Variants in CC2D1A observed in about 807,000 individuals in gnomAD.
The protein encoded by CC2D1A is coiled-coil and C2 domain-containing protein 1A.
CC2D1A carries 68 observed loss-of-function variants against 123.8 expected under a neutral mutation model. The ratio of observed to expected loss-of-function variants is 0.55; its 90% CI spans 0.45 to 0.67. The LOEUF (loss-of-function observed/expected upper bound fraction) is 0.67, where lower values mean the gene tolerates loss of function less well. Among genes scored for constraint, CC2D1A ranks in the 30% least tolerant of loss-of-function variants. The probability of loss-of-function intolerance (pLI) is 0.00; values close to 1 mark genes in which losing one functional copy is unlikely to be tolerated. For synonymous variants in CC2D1A, 477 were observed against 528.0 expected (o/e 0.90, Z 1.32); for missense variants, 1,185 against 1,290.3 (o/e 0.92, Z 1.25).
intron 1 of CC2D1A, among the ~76,000 whole-genome samples, chr19:13,908,566 A>C (rs1970878688): frequency 6.6e-6 from 1 of 151,624 alleles, no homozygotes; most frequent in South Asian, 2.1e-4. Context: ...TCCCAGGTTC[A>C]AGCAATTCTC....
Position 13,929,429 on chromosome 19 carries a change from G to A in CC2D1A, c.2570G>A (p.Arg857His), listed in dbSNP as rs772528161. 9 of 1,613,382 alleles carry A rather than the reference G, an allele frequency of 5.6e-6. No individual in the cohort carries two copies. The highest frequency in any genetic ancestry group is 3.3e-4 in the Middle Eastern group (2 of 6,060). ...SLSVLAFDQE[R>H]LERKILALRQ... ...AGTGTGCTGGCGTTTGACCAAGAGC[G>A]TCTGGAGCGGAAGGTGGGTATCCAT... Residue 857 changes from arginine (R) to histidine (H), a missense_variant, in exon 25 of 29, where the codon CGT becomes CAT. Arg to His is a conservative substitution (Grantham distance 29). Transcript: ENST00000318003.
chr19:13,923,310 G>GC lies in CC2D1A; in HGVS notation c.1642-21dup, dbSNP rs1568415864. Reference sequence around the variant, plus strand: ...GGGCCTGCTTGTCCTCCTTACCCCCGCCACCAGCCTCGTCCTCCCCAGGTG... The same window carrying GC: ...GGGCCTGCTTGTCCTCCTTACCCCCGCCCACCAGCCTCGTCCTCCCCAGGTG... On this transcript the variant is annotated intron_variant, in intron 14 of 28. Transcript: ENST00000318003. The surrounding 1 kb of genome is among the most constrained non-coding windows in gnomAD (Gnocchi z 5.3). 6.3e-7 allele frequency: 1 copy of GC among 1,592,266 alleles called. No homozygotes were observed. Among genetic ancestry groups the GC allele is most frequent in the Non-Finnish European group, 8.5e-7 (1 of 1,174,848 alleles).
At chr19:13,928,704 C>CTTT (rs60455051) in intron 24 of CC2D1A, among the ~76,000 whole-genome samples, 28 of 109,230 alleles carry the variant, frequency 2.6e-4, no homozygotes, top group Non-Finnish European at 3.7e-4. Flanking sequence ...CCCAGTGTGT[C>CTTT]TTTTTTTTTT....
intron 1 of CC2D1A, among the ~76,000 whole-genome samples, chr19:13,909,267 T>C (rs1225285472): frequency 6.6e-6 from 1 of 151,628 alleles, no homozygotes; most frequent in Non-Finnish European, 1.5e-5. Context: ...TCCCAGCTAC[T>C]CGGGATGTTG....
Position 13,913,288 on chromosome 19 carries a change from G to C in CC2D1A, c.499G>C (p.Asp167His), listed in dbSNP as rs769227024. 2 of 1,612,706 alleles carry C rather than the reference G, an allele frequency of 1.2e-6. No individual in the cohort carries two copies. The highest frequency in any genetic ancestry group is 4.5e-5 in the East Asian group (2 of 44,858). Residue 167 changes from aspartate to histidine, a missense_variant, in exon 5 of 29, where the codon GAT becomes CAT. Asp to His is a moderately conservative substitution (Grantham distance 81). Coordinates refer to ENST00000318003, the MANE Select transcript of CC2D1A (RefSeq NM_017721.5). ...AGDSAKMRRYDRGLKTLENLL... is the reference protein window; with the variant it reads ...AGDSAKMRRYHRGLKTLENLL... Reference sequence around the variant, plus strand: ...AGACAGCGCCAAGATGCGGCGCTACGATCGGGGGCTTAAAGTAAGTGGGCA... The same window carrying C: ...AGACAGCGCCAAGATGCGGCGCTACCATCGGGGGCTTAAAGTAAGTGGGCA...
intron 22 of CC2D1A, chr19:13,927,500 C>G (rs1349917461): frequency 3.7e-6 from 2 of 545,892 alleles, no homozygotes; most frequent in Non-Finnish European, 6.6e-6. Flanking sequence ...CACTCTTGGC[C>G]AGGCATGGTG....
In CC2D1A at chr19:13,930,397, G is replaced by A. The variant is rs375627481; in HGVS notation, c.*2G>A. 8 of 1,609,682 alleles carry A rather than the reference G, an allele frequency of 5.0e-6. No homozygotes were observed. Among genetic ancestry groups the A allele is most frequent in the African/African-American group, 1.3e-5 (1 of 74,908 alleles). The stretch of plus-strand genomic sequence containing the variant: ...CAGCTGCAGCGGCTCCGCAGGTGAG[G>A]AGCCCATGGGGCGGGCAGCCCCCAG... On this transcript the variant is annotated 3_prime_UTR_variant, in exon 29 of 29. Transcript: ENST00000318003. This position sits in a 1 kb window ranked among gnomAD's most constrained non-coding sequence, Gnocchi z 6.8.
Position 13,913,401 on chromosome 19 carries a change from T to C in CC2D1A, c.514-3T>C. The stretch of plus-strand genomic sequence containing the variant: ...CCAAACCAATACTCACGCCTTATCT[T>C]AGACACTGGAAAACCTGCTCGCCTC... On this transcript the variant is annotated splice_region_variant and splice_polypyrimidine_tract_variant and intron_variant, in intron 5 of 28. Transcript: ENST00000318003. 1 of 1,613,860 alleles carries C rather than the reference T, an allele frequency of 6.2e-7. No homozygotes were observed. The highest frequency in any genetic ancestry group is 8.5e-7 in the Non-Finnish European group (1 of 1,179,912).
rs371037598 is a variant in CC2D1A at position 13,929,445 on chromosome 19, G to A, written c.2583+3G>A. 1 of 1,613,132 alleles carries A rather than the reference G, an allele frequency of 6.2e-7. No individual in the cohort carries two copies. Among genetic ancestry groups the A allele is most frequent in the African/African-American group, 1.3e-5 (1 of 74,796 alleles). On this transcript the variant is annotated splice_donor_region_variant and intron_variant, in intron 25 of 28. Transcript: ENST00000318003. Reference sequence around the variant, plus strand: ...ACCAAGAGCGTCTGGAGCGGAAGGTGGGTATCCATCCTGCCGGGCTACATG... The same window carrying A: ...ACCAAGAGCGTCTGGAGCGGAAGGTAGGTATCCATCCTGCCGGGCTACATG...
At chr19:13,926,492 G>GCCTGCCCA (rs1319036451) in intron 17 of CC2D1A, 25 bp from the exon 18 acceptor site, 15 of 1,609,718 alleles carry the variant, frequency 9.3e-6, no homozygotes, top group East Asian at 2.2e-5. Context: ...CTGCCCACCT[G>GCCTGCCCA]CCTGCCCACC....
At chr19:13,909,307 C>T (rs935829520) in intron 1 of CC2D1A, among the ~76,000 whole-genome samples, 10 of 151,596 alleles carry the variant, frequency 6.6e-5, no homozygotes, top group South Asian at 4.2e-4. Context: ...ACCCCGGAGG[C>T]GGAGGTTGCA....
At chr19:13,913,124 C>G in intron 4 of CC2D1A, 44 bp from the exon 5 acceptor site, 2 of 1,534,186 alleles carry the variant, frequency 1.3e-6, no homozygotes, top group Non-Finnish European at 1.8e-6. Context: ...CAGGGGCATC[C>G]CAAGTGGGGT....
intron 6 of CC2D1A, among the ~76,000 whole-genome samples, chr19:13,914,373 C>T (rs1363592205): frequency 6.7e-6 from 1 of 148,688 alleles, no homozygotes; most frequent in African/African-American, 2.5e-5. Flanking sequence ...CTCGCTCTGT[C>T]ACCCAGGCTG....
intron 17 of CC2D1A, among the ~76,000 whole-genome samples, chr19:13,924,383 G>A (rs868505851): frequency 1.3e-5 from 2 of 151,906 alleles, no homozygotes; most frequent in Non-Finnish European, 2.9e-5. Flanking sequence ...TGTTAGCCAG[G>A]ATGGTCTCGA....
chr19:13,917,291 A>T (rs1315733721), intron 6 of CC2D1A, among the ~76,000 whole-genome samples: 2 of 151,880 alleles, frequency 1.3e-5, no homozygotes, highest in Non-Finnish European at 2.9e-5. Flanking sequence ...ACAACATAGT[A>T]AGACCCCATC....
chr19:13,909,857 T>C lies in CC2D1A; in HGVS notation c.95T>C (p.Leu32Pro). 6.3e-7 allele frequency: 1 copy of C among 1,580,606 alleles called. No homozygotes were observed. Among genetic ancestry groups the C allele is most frequent in the Non-Finnish European group, 8.6e-7 (1 of 1,160,028 alleles). The change falls in exon 2 of 29, where the codon CTG becomes CCG. Residue 32 changes from leucine (L) to proline (P), a missense_variant. By Grantham distance (98) the Leu-to-Pro change is moderately conservative. Coordinates refer to ENST00000318003, the MANE Select transcript of CC2D1A (RefSeq NM_017721.5). ...CTGGTTGACCTCTCCCCAGATGGCC[T>C]GATGATCCCTGAGGACGGGGCTAAC... Reference protein sequence around the residue: ...GLLVDLSPDGLMIPEDGANDE... With the variant: ...GLLVDLSPDGPMIPEDGANDE...
chr19:13,926,501 C>T lies in CC2D1A; in HGVS notation c.1941-16C>T, dbSNP rs373599066. 4.6e-4 allele frequency: 736 copies of T among 1,612,862 alleles called. No homozygotes were observed. Among genetic ancestry groups the T allele is most frequent in the South Asian group, 6.7e-4 (61 of 90,938 alleles). On this transcript the variant is annotated splice_polypyrimidine_tract_variant and intron_variant, in intron 17 of 28. Coordinates refer to ENST00000318003, the MANE Select transcript of CC2D1A (RefSeq NM_017721.5). Reference sequence around the variant, plus strand: ...GTTTCCCTGCCCACCTGCCTGCCCACCTGCCCACCCGGAAGGATCTTCCCT... The same window carrying T: ...GTTTCCCTGCCCACCTGCCTGCCCATCTGCCCACCCGGAAGGATCTTCCCT...
rs200254167 is a variant in CC2D1A at position 13,909,918 on chromosome 19, C to T, written c.156C>T (p.Val52=). ...TGGAGGCTGAGTTCTTGGCTTTGGT[C>T]GGGGGCCAGCCCCCAGCCCTGGAGA... is the stretch of plus-strand genomic sequence containing the variant. ...EELEAEFLAL[V]GGQPPALEKL... The change falls in exon 2 of 29, where the codon GTC becomes GTT. Residue 52 remains valine, a synonymous_variant. Coordinates refer to ENST00000318003, the MANE Select transcript of CC2D1A (RefSeq NM_017721.5). 1.4e-5 allele frequency: 21 copies of T among 1,541,270 alleles called. No individual in the cohort carries two copies. Among genetic ancestry groups the T allele is most frequent in the African/African-American group, 5.5e-5 (4 of 72,556 alleles).
Position 13,926,740 on chromosome 19 carries a change from G to T in CC2D1A, c.2073+15G>T, listed in dbSNP as rs372814399. ...ATCCCAACGTGGTACGTGGGGAGCT[G>T]AGGAGGGGAGGGCTGCAGCCTCAGT... On this transcript the variant is annotated intron_variant, in intron 19 of 28. Coordinates refer to ENST00000318003, the MANE Select transcript of CC2D1A (RefSeq NM_017721.5). 65 of 1,614,034 alleles carry T rather than the reference G, an allele frequency of 4.0e-5. No homozygotes were observed. The highest frequency in any genetic ancestry group is 5.3e-5 in the Non-Finnish European group (63 of 1,180,036).
Sources: gnomAD v4.1 joint callset for allele counts (sites outside exome capture counted in the v4.1 genomes callset) on GRCh38, gnomAD v4.1.1 for gene constraint, Gnocchi (gnomAD v3.1) non-coding constraint, MANE v1.5 for transcripts, NCBI Gene and HGNC (gene_info 2026-07-23, HGNC 2026-07-21) for gene names.